Variants in PSD3 observed in about 807,000 individuals in gnomAD.
PSD3 encodes PH and SEC7 domain-containing protein 3.
PSD3 carries 49 observed loss-of-function variants against 105.5 expected under a neutral mutation model. The observed-to-expected ratio is 0.46, with a 90% CI of 0.37 to 0.59. The LOEUF (loss-of-function observed/expected upper bound fraction) is 0.59, where lower values mean the gene tolerates loss of function less well. Ranked by LOEUF, PSD3 falls within the 20% of genes least tolerant of loss-of-function variation. The pLI, the probability that PSD3 is intolerant of heterozygous loss-of-function variation, is 0.00. For missense variants in PSD3, 1,561 were observed against 1,263.8 expected, an observed-to-expected ratio of 1.24 and a Z score of -3.57; for synonymous variants, 557 against 457.8, an observed-to-expected ratio of 1.22 and a Z score of -2.77.
intron 1 of PSD3, among the ~76,000 whole-genome samples, chr8:19,032,707 C>G (rs141340389): frequency 1.6e-3 from 237 of 149,834 alleles, no homozygotes; most frequent in African/African-American, 5.6e-3. Flanking sequence ...ATGTAAGCTA[C>G]ATTCATCTGC....
At chr8:18,849,642 G>A (rs1296962284) in intron 4 of PSD3, 2 of 152,142 alleles carry the variant, frequency 1.3e-5, no homozygotes, top group African/African-American at 4.8e-5. Context: ...ATTCGGAGGC[G>A]CTACAGTAAT....
At chr8:19,008,216 T>G (rs1408725013) in intron 1 of PSD3, among the ~76,000 whole-genome samples, 3 of 152,042 alleles carry the variant, frequency 2.0e-5, no homozygotes, top group Non-Finnish European at 1.5e-5. Flanking sequence ...TTGTAGCCAC[T>G]AGAAATGAAT....
intron 1 of PSD3, among the ~76,000 whole-genome samples, chr8:19,039,121 C>G (rs576755548): frequency 6.6e-6 from 1 of 152,142 alleles, no homozygotes; most frequent in Non-Finnish European, 1.5e-5. Flanking sequence ...GACTTTTCCT[C>G]GACGGACCTT....
chr8:18,771,539 C>T (rs1807530662), intron 8 of PSD3, among the ~76,000 whole-genome samples: 1 of 152,182 alleles, frequency 6.6e-6, no homozygotes, highest in African/African-American at 2.4e-5. Context: ...AGCAGAGATT[C>T]AACTTCATTC....
chr8:18,664,550 T>C (rs75094399), intron 9 of PSD3, among the ~76,000 whole-genome samples: 224 of 152,300 alleles, frequency 1.5e-3, no homozygotes, highest in African/African-American at 5.1e-3. Flanking sequence ...CCCTGTAATA[T>C]AAAAGTCCAA....
At chr8:18,792,630 G>C (rs1356025702) in intron 8 of PSD3, among the ~76,000 whole-genome samples, 1 of 152,068 alleles carries the variant, frequency 6.6e-6, no homozygotes, top group Non-Finnish European at 1.5e-5. Flanking sequence ...TTAATACCTG[G>C]GTGATGGGCC....
At chr8:18,946,766 G>C (rs1283401049) in intron 1 of PSD3, among the ~76,000 whole-genome samples, 1 of 151,354 alleles carries the variant, frequency 6.6e-6, no homozygotes, top group Non-Finnish European at 1.5e-5. Context: ...TTAGCTAGGT[G>C]CTGGGGGGAG....
chr8:18,596,398 G>A (rs1047219162), intron 12 of PSD3, among the ~76,000 whole-genome samples: 4 of 151,534 alleles, frequency 2.6e-5, no homozygotes, highest in East Asian at 1.9e-4. Flanking sequence ...AGAAATAAAC[G>A]AAATAGAGAA....
intron 4 of PSD3, among the ~76,000 whole-genome samples, chr8:18,862,375 GT>G (rs11287530): frequency 0.68 from 102,803 of 150,694 alleles, 35,455 homozygotes; most frequent in East Asian, 0.98. Context: ...CTCCTTTGTG[GT>G]TTTTAAAAAA....
intron 2 of PSD3, among the ~76,000 whole-genome samples, chr8:18,915,439 A>G (rs998952745): frequency 3.9e-5 from 6 of 152,222 alleles, no homozygotes; most frequent in Non-Finnish European, 5.9e-5. Context: ...GTGGCAAATC[A>G]TGTATCTTAT....
intron 1 of PSD3, among the ~76,000 whole-genome samples, chr8:18,951,900 C>T (rs1036091432): frequency 6.6e-6 from 1 of 152,110 alleles, no homozygotes; most frequent in Middle Eastern, 3.4e-3. Flanking sequence ...ACCTGGGAAG[C>T]GGAGGTTGCA....
At chr8:18,707,549 T>C in intron 9 of PSD3, among the ~76,000 whole-genome samples, 1 of 152,102 alleles carries the variant, frequency 6.6e-6, no homozygotes, top group East Asian at 1.9e-4. Flanking sequence ...AATGATCTTA[T>C]AAAAACAAAA....
At chr8:18,560,797 A>C (rs13439541) in intron 14 of PSD3, among the ~76,000 whole-genome samples, 1,757 of 152,308 alleles carry the variant, frequency 0.012, 28 homozygotes, top group African/African-American at 0.04. Flanking sequence ...GGACTTTGCT[A>C]TGGTTTCATT....
chr8:19,084,701 A>G (rs1034604542), exon 1 of PSD3: 8 of 326,376 alleles, frequency 2.5e-5, no homozygotes, highest in Non-Finnish European at 4.9e-5. Context: ...GAGCAGAGCA[A>G]GTGAAAGCAG....
chr8:18,927,433 C>T (rs989101592), intron 2 of PSD3, among the ~76,000 whole-genome samples: 6 of 152,120 alleles, frequency 3.9e-5, no homozygotes, highest in East Asian at 1.9e-4. Flanking sequence ...AAGTTGGTCT[C>T]GAGCTCCTGA....
intron 11 of PSD3, among the ~76,000 whole-genome samples, chr8:18,622,647 C>T (rs1806197314): frequency 6.6e-6 from 1 of 152,150 alleles, no homozygotes; most frequent in Non-Finnish European, 1.5e-5. Flanking sequence ...GATGTTTTTA[C>T]ATATGAATGG....
chr8:18,931,816 C>T (rs1242199480), intron 2 of PSD3, among the ~76,000 whole-genome samples: 5 of 152,218 alleles, frequency 3.3e-5, no homozygotes, highest in African/African-American at 1.2e-4. Flanking sequence ...CTTTCTAACA[C>T]AGCACATTTA....
chr8:19,073,936 G>T (rs952280478), intron 1 of PSD3, among the ~76,000 whole-genome samples: 3 of 151,848 alleles, frequency 2.0e-5, no homozygotes, highest in Non-Finnish European at 4.4e-5. Context: ...GACTACAGGC[G>T]CCTGCCACCA....
At chr8:18,945,330 G>A (rs779041180) in intron 1 of PSD3, among the ~76,000 whole-genome samples, 1 of 152,176 alleles carries the variant, frequency 6.6e-6, no homozygotes, top group African/African-American at 2.4e-5. Flanking sequence ...CAGAAGAGAA[G>A]AAAGTCATGA....
Sources: gnomAD v4.1 joint callset for allele counts (sites outside exome capture counted in the v4.1 genomes callset) on GRCh38, gnomAD v4.1.1 for gene constraint, MANE v1.5 for transcripts, NCBI Gene and HGNC (gene_info 2026-07-23, HGNC 2026-07-21) for gene names.